The following ADAMTS20 variants were observed in gnomAD, a reference collection of about 807,000 sequenced individuals.
The protein encoded by ADAMTS20 is ADAM metallopeptidase with thrombospondin type 1 motif 20.
Under a neutral mutation model 260.1 loss-of-function variants are expected in ADAMTS20, and 225 were observed. The observed-to-expected ratio is 0.87, with a 90% CI of 0.78 to 0.97. The LOEUF is 0.97. Ranked by LOEUF, ADAMTS20 falls within the 50% of genes least tolerant of loss-of-function variation. The pLI, the probability that ADAMTS20 is intolerant of heterozygous loss-of-function variation, is 0.00. For missense variants in ADAMTS20, 2,400 were observed against 2,337.7 expected, an observed-to-expected ratio of 1.03 and a Z score of -0.55; for synonymous variants, 802 against 769.5, an observed-to-expected ratio of 1.04 and a Z score of -0.70.
intron 28 of ADAMTS20, among the ~76,000 whole-genome samples, chr12:43,402,694 CT>C (rs1940833301): frequency 6.6e-6 from 1 of 151,998 alleles, no homozygotes; most frequent in Non-Finnish European, 1.5e-5. Context: ...GCAGTTTTTT[CT>C]TCTGGTATCC....
intron 2 of ADAMTS20, among the ~76,000 whole-genome samples, chr12:43,544,970 G>A (rs1246053813): frequency 6.6e-6 from 1 of 152,080 alleles, no homozygotes; most frequent in African/African-American, 2.4e-5. Flanking sequence ...CCCATGCTCT[G>A]CCAGTAGCAT....
At chr12:43,492,241 G>A (rs546365532) in intron 6 of ADAMTS20, among the ~76,000 whole-genome samples, 3 of 151,986 alleles carry the variant, frequency 2.0e-5, no homozygotes, top group East Asian at 3.9e-4. Flanking sequence ...TTAGCCGGGC[G>A]TGGTGGCGGG....
intron 28 of ADAMTS20, among the ~76,000 whole-genome samples, chr12:43,415,574 C>A (rs1941115219): frequency 1.3e-5 from 2 of 152,166 alleles, no homozygotes. Context: ...ATTTCAACCA[C>A]TTTTCCTATT....
chr12:43,448,242 A>T (rs1004564754), intron 14 of ADAMTS20, among the ~76,000 whole-genome samples: 5 of 152,204 alleles, frequency 3.3e-5, no homozygotes, highest in African/African-American at 1.2e-4. Flanking sequence ...TTCAAACTAT[A>T]CTACAGGGCT....
intron 37 of ADAMTS20, among the ~76,000 whole-genome samples, chr12:43,366,324 T>A (rs1939985323): frequency 1.3e-5 from 2 of 151,612 alleles, no homozygotes; most frequent in Admixed American, 6.6e-5. Flanking sequence ...AATCTCAAAA[T>A]AAATGAAACA....
intron 37 of ADAMTS20, among the ~76,000 whole-genome samples, chr12:43,359,363 T>G (rs560326163): frequency 1.3e-5 from 2 of 152,194 alleles, no homozygotes; most frequent in Non-Finnish European, 1.5e-5. Context: ...GACTGGTTGG[T>G]TCATGTGTGC....
intron 28 of ADAMTS20, among the ~76,000 whole-genome samples, chr12:43,416,459 C>T (rs1011732621): frequency 4.6e-5 from 7 of 151,914 alleles, no homozygotes; most frequent in African/African-American, 1.5e-4. Flanking sequence ...AACTTTATGC[C>T]CACCCCTTGT....
intron 3 of ADAMTS20, among the ~76,000 whole-genome samples, chr12:43,521,493 T>C (rs538899972): frequency 6.6e-6 from 1 of 152,232 alleles, no homozygotes; most frequent in Non-Finnish European, 1.5e-5. Context: ...TTTACTTCTT[T>C]ATGTGCACTT....
intron 7 of ADAMTS20, among the ~76,000 whole-genome samples, chr12:43,487,737 C>A (rs1391899784): frequency 6.6e-6 from 1 of 152,084 alleles, no homozygotes; most frequent in African/African-American, 2.4e-5. Context: ...AAAACTTCCA[C>A]AGATGAACAA....
At chr12:43,447,105 T>G (rs573132302) in intron 14 of ADAMTS20, among the ~76,000 whole-genome samples, 77 of 151,882 alleles carry the variant, frequency 5.1e-4, no homozygotes, top group African/African-American at 1.8e-3. Flanking sequence ...ATTTAAAAAA[T>G]TGAGGAGGAG....
At chr12:43,476,790 A>G (rs1942360897) in intron 7 of ADAMTS20, among the ~76,000 whole-genome samples, 1 of 148,480 alleles carries the variant, frequency 6.7e-6, no homozygotes, top group Non-Finnish European at 1.5e-5. Flanking sequence ...GTGGGAATTG[A>G]ACAATGAGAT....
intron 7 of ADAMTS20, among the ~76,000 whole-genome samples, chr12:43,489,554 T>C (rs1395845311): frequency 1.3e-5 from 2 of 152,052 alleles, no homozygotes; most frequent in Non-Finnish European, 1.5e-5. Flanking sequence ...TAAAATATAT[T>C]ACATTTAGAC....
intron 8 of ADAMTS20, among the ~76,000 whole-genome samples, chr12:43,467,798 T>A (rs1942182363): frequency 1.3e-5 from 2 of 152,150 alleles, no homozygotes; most frequent in African/African-American, 2.4e-5. Flanking sequence ...AAAAATTATC[T>A]CCATTTGAAA....
intron 2 of ADAMTS20, among the ~76,000 whole-genome samples, chr12:43,545,989 C>G (rs1943436632): frequency 6.6e-6 from 1 of 151,986 alleles, no homozygotes; most frequent in Admixed American, 6.6e-5. Flanking sequence ...GCAGCAAGTA[C>G]ATGAATAGCC....
chr12:43,356,486 C>A lies in ADAMTS20; in HGVS notation c.5641G>T (p.Glu1881Ter). ...SYTSVSIRRS[E>*]DGTRFFGKCG... The stretch of plus-strand genomic sequence containing the variant: ...CTTTTTGGTCCCGCAGGACTTACCT[C>A]TGATCTTCGTATGCTGACAGAGGTA... Residue 1881 changes from glutamate (E) to a stop codon, truncating the protein, a stop_gained and splice_region_variant, in exon 38 of 39, where the codon GAG becomes TAG. Transcript: ENST00000389420. LOFTEE classifies it high-confidence loss of function. The A allele has an allele frequency of 6.2e-7, 1 of 1,601,336 alleles. No individual in the cohort carries two copies. The highest frequency in any genetic ancestry group is 8.5e-7 in the Non-Finnish European group (1 of 1,172,798).
chr12:43,413,705 A>G (rs949186951), intron 28 of ADAMTS20, among the ~76,000 whole-genome samples: 1 of 152,164 alleles, frequency 6.6e-6, no homozygotes, highest in Non-Finnish European at 1.5e-5. Context: ...GCAAGTTTCT[A>G]CTGATTTTGA....
rs148574941 is a variant in ADAMTS20 at position 43,449,270 on chromosome 12, G to C, written c.2080-2558C>G. 1.8e-3 allele frequency among the ~76,000 whole-genome samples: 269 copies of C among 152,252 alleles called. 4 individuals are homozygous for C. In the East Asian group the frequency reaches 0.018, roughly 10 times the overall value. On this transcript the variant is annotated intron_variant, in intron 14 of 38. Coordinates refer to ENST00000389420, the MANE Select transcript of ADAMTS20 (RefSeq NM_025003.5). ...TAATGGTAGACTGGATAAAGAAAAT[G>C]TGATACATATACACAAAGGAATACT...
intron 3 of ADAMTS20, among the ~76,000 whole-genome samples, chr12:43,505,903 T>C (rs1047707364): frequency 9.9e-5 from 15 of 152,100 alleles, no homozygotes; most frequent in African/African-American, 3.1e-4. Flanking sequence ...CAAATGTCCA[T>C]TGACAAAGGA....
chr12:43,472,486 C>T (rs879419891), intron 7 of ADAMTS20, among the ~76,000 whole-genome samples: 1,375 of 133,572 alleles, frequency 0.01, 28 homozygotes, highest in African/African-American at 0.038. Context: ...ATACAGAGAA[C>T]GCCACAAAGA....
Sources: allele counts gnomAD v4.1 joint callset (sites outside exome capture counted in the v4.1 genomes callset), GRCh38; gene constraint gnomAD v4.1.1; transcripts MANE v1.5; gene names NCBI Gene and HGNC (gene_info 2026-07-23, HGNC 2026-07-21).